PPP1R37: variants seen among roughly 807,000 people sequenced by gnomAD.
PPP1R37 encodes protein phosphatase 1 regulatory subunit 37, also known as leucine rich repeat containing 68.
A neutral mutation model predicts 61.0 loss-of-function variants in PPP1R37; 21 were observed. That is an observed-to-expected ratio of 0.34 (90% confidence interval 0.24 to 0.50). The LOEUF (loss-of-function observed/expected upper bound fraction) is 0.50. Among genes scored for constraint, PPP1R37 ranks in the 20% least tolerant of loss-of-function variants. PPP1R37 has a pLI of 0.98. For missense variants in PPP1R37, 910 were observed against 952.7 expected (o/e 0.96, Z 0.59); for synonymous variants, 443 against 433.5 (o/e 1.02, Z -0.27).
chr19:45,099,063 A>G (rs111704996), intron 1 of PPP1R37, among the ~76,000 whole-genome samples: 2 of 152,316 alleles, frequency 1.3e-5, no homozygotes, highest in African/African-American at 4.8e-5. Flanking sequence ...GATCCATAGT[A>G]AATGCCCAGC....
intron 1 of PPP1R37, among the ~76,000 whole-genome samples, chr19:45,096,415 CCT>C (rs1310443958): frequency 1.8e-4 from 27 of 152,148 alleles, no homozygotes; most frequent in African/African-American, 5.1e-4. Context: ...CCTCTCCAAG[CCT>C]CTGTTTCTTT....
Position 45,138,629 on chromosome 19 carries a change from T to TG in PPP1R37, c.300+21dup. ...AGCTGCAGGTATGGGCGGGACAGGG[T>TG]GGGTGCGTCCGGTGTGGGTGTCAAG... On this transcript the variant is annotated intron_variant, in intron 2 of 12. Transcript: ENST00000221462. 1.7e-6 allele frequency: 1 copy of TG among 591,766 alleles called. No homozygotes were observed. Among genetic ancestry groups the TG allele is most frequent in the Non-Finnish European group, 3.0e-6 (1 of 336,384 alleles). 36.7% of individuals were successfully genotyped at this position (591,766 alleles called of 1,614,324 possible).
At chr19:45,142,907 C>T in intron 7 of PPP1R37, 1 of 187,378 alleles carries the variant, frequency 5.3e-6, no homozygotes, top group South Asian at 1.1e-4. Context: ...GGAAAGGGTC[C>T]AGACCGCGGG....
At chr19:45,126,512 A>G (rs1429056275) in intron 1 of PPP1R37, among the ~76,000 whole-genome samples, 1 of 152,110 alleles carries the variant, frequency 6.6e-6, no homozygotes, top group African/African-American at 2.4e-5. Flanking sequence ...GTTGGTGGTT[A>G]TTTATTGTCG....
In PPP1R37 at chr19:45,116,100, G is replaced by A. The variant is rs545373655; in HGVS notation, c.203-22414G>A. 7.2e-5 allele frequency among the ~76,000 whole-genome samples: 11 copies of A among 152,324 alleles called. No individual in the cohort carries two copies. In the East Asian group the frequency reaches 1.9e-3, roughly 27 times the overall value. ...TCCAAGCCTGCCATTGACCTTACAT[G>A]CAGCTGCTGTGTGTGAGGCGCTGTG... On this transcript the variant is annotated intron_variant, in intron 1 of 12. Transcript: ENST00000221462.
chr19:45,134,726 AT>A (rs1375234647), intron 1 of PPP1R37, among the ~76,000 whole-genome samples: 5 of 151,912 alleles, frequency 3.3e-5, no homozygotes, highest in Non-Finnish European at 7.4e-5. Flanking sequence ...CGCCCGGCTA[AT>A]TTTTGTATTT....
intron 11 of PPP1R37, 110 bp downstream of exon 11, chr19:45,146,159 C>A: frequency 8.0e-7 from 1 of 1,251,900 alleles, no homozygotes. Context: ...AAATGGTTCT[C>A]GCAGGGGCCA....
chr19:45,112,004 T>TTTTGA (rs1467279912), intron 1 of PPP1R37, among the ~76,000 whole-genome samples: 2 of 151,962 alleles, frequency 1.3e-5, no homozygotes, highest in African/African-American at 4.8e-5. Context: ...AGTCTCGCTC[T>TTTTGA]GTCGTCCAGG....
At chr19:45,125,803 C>T (rs941187424) in intron 1 of PPP1R37, among the ~76,000 whole-genome samples, 1 of 152,154 alleles carries the variant, frequency 6.6e-6, no homozygotes, top group East Asian at 1.9e-4. Flanking sequence ...ATTGGGTGAC[C>T]AAGGCTGGTC....
At position 45,142,069 on chromosome 19, in the gene PPP1R37, C is replaced by T. The variant is rs1826784745; in HGVS notation, c.576C>T (p.Cys192=). The T allele has an allele frequency of 5.3e-6, 8 of 1,519,916 alleles. No individual in the cohort carries two copies. Among genetic ancestry groups the T allele is most frequent in the Non-Finnish European group, 6.2e-6 (7 of 1,137,634 alleles). 94.2% of individuals were successfully genotyped at this position (1,519,916 alleles called of 1,614,324 possible). The change falls in exon 6 of 13, where the codon TGC becomes TGT. Residue 192 remains cysteine (C), a synonymous_variant. Coordinates refer to ENST00000221462, the MANE Select transcript of PPP1R37 (RefSeq NM_019121.2). ...AAAHMMRKTS[C]LQYLDARNTP... ...TCCTCTTGCCCCTGCAGACGAGCTG[C>T]CTGCAGTATCTGGACGCCCGCAACA...
At chr19:45,112,798 C>G (rs531777531) in intron 1 of PPP1R37, among the ~76,000 whole-genome samples, 1 of 152,150 alleles carries the variant, frequency 6.6e-6, no homozygotes, top group Non-Finnish European at 1.5e-5. Context: ...TCCAGCATGA[C>G]CCTGCCCGGG....
rs183305302 is a variant in PPP1R37, at chr19:45,139,063, G to A, written c.300+452G>A. 1.1e-3 allele frequency among the ~76,000 whole-genome samples: 168 copies of A among 151,836 alleles called. 1 individual carries two copies. The highest frequency in any genetic ancestry group is 3.6e-3 in the African/African-American group (150 of 41,418). On this transcript the variant is annotated intron_variant, in intron 2 of 12. Coordinates refer to ENST00000221462, the MANE Select transcript of PPP1R37 (RefSeq NM_019121.2). The stretch of plus-strand genomic sequence containing the variant: ...CAAGTAGCTGGGATTACATGTGCAC[G>A]CCACCATGCCCAGCTAATTTTTTTT...
chr19:45,104,622 C>T (rs1420697707), intron 1 of PPP1R37, among the ~76,000 whole-genome samples: 2 of 152,276 alleles, frequency 1.3e-5, no homozygotes, highest in South Asian at 4.1e-4. Flanking sequence ...ACCTAGCAGC[C>T]ACAGCATTCT....
chr19:45,131,017 G>A (rs1205155647), intron 1 of PPP1R37, among the ~76,000 whole-genome samples: 3 of 152,284 alleles, frequency 2.0e-5, no homozygotes, highest in East Asian at 1.9e-4. Context: ...AGGCTGGCAC[G>A]GATGGTGTGA....
rs1184315394 is a variant in PPP1R37, at chr19:45,093,397, G to A, written c.72G>A (p.Glu24=). The change falls in exon 1 of 13, where the codon GAG becomes GAA. Residue 24 remains glutamate, a synonymous_variant. Coordinates refer to ENST00000221462, the MANE Select transcript of PPP1R37 (RefSeq NM_019121.2). Reference sequence around the variant, plus strand: ...GCGACATTGAAGAGGCCCCAGCTGAGGCCGGGTCTCCCAGCCCCGCGTCGC... The same window carrying A: ...GCGACATTGAAGAGGCCCCAGCTGAAGCCGGGTCTCCCAGCCCCGCGTCGC... The part of the protein sequence containing the change: ...ADGDIEEAPA[E]AGSPSPASPP... 5 of 1,533,820 alleles carry A rather than the reference G, an allele frequency of 3.3e-6. No homozygotes were observed. In the Admixed American group the frequency reaches 7.9e-5, roughly 24 times the overall value.
At chr19:45,139,886 C>T (rs1483383841) in intron 2 of PPP1R37, among the ~76,000 whole-genome samples, 1 of 152,268 alleles carries the variant, frequency 6.6e-6, no homozygotes, top group East Asian at 1.9e-4. Flanking sequence ...TCTTCCCAGG[C>T]TCATTTCCTG....
At chr19:45,113,373 G>A (rs1443222400) in intron 1 of PPP1R37, among the ~76,000 whole-genome samples, 1 of 152,250 alleles carries the variant, frequency 6.6e-6, no homozygotes, top group African/African-American at 2.4e-5. Context: ...GCATGGCGTT[G>A]AGCCCTCCGT....
At chr19:45,102,619 G>A (rs1568439613) in intron 1 of PPP1R37, among the ~76,000 whole-genome samples, 1 of 152,238 alleles carries the variant, frequency 6.6e-6, no homozygotes, top group Non-Finnish European at 1.5e-5. Flanking sequence ...CAGCGGGTAG[G>A]ATCATCTGCC....
intron 1 of PPP1R37, among the ~76,000 whole-genome samples, chr19:45,138,291 C>T (rs1173313265): frequency 3.3e-5 from 5 of 152,032 alleles, no homozygotes. Flanking sequence ...GGAGGTGAGG[C>T]GTGGAGGGCA....
Sources: allele counts gnomAD v4.1 joint callset (sites outside exome capture counted in the v4.1 genomes callset), GRCh38; gene constraint gnomAD v4.1.1; transcripts MANE v1.5; gene names NCBI Gene and HGNC (gene_info 2026-07-23, HGNC 2026-07-21).